The following TRIM24 variants were observed in gnomAD, a reference collection of about 807,000 sequenced individuals.
TRIM24 encodes the protein transcription intermediary factor 1-alpha.
In TRIM24, 29 loss-of-function variants were observed where a neutral mutation model predicts 123.9. The observed-to-expected ratio is 0.23, with a 90% CI of 0.17 to 0.32. The LOEUF is 0.32. Among genes scored for constraint, TRIM24 ranks in the 10% least tolerant of loss-of-function variants. TRIM24 has a pLI of 1.00. For synonymous variants in TRIM24, 456 were observed against 461.1 expected (o/e 0.99, Z 0.14); for missense variants, 932 against 1,295.3 (o/e 0.72, Z 4.31).
Position 138,472,062 on chromosome 7 carries a change from T to C in TRIM24, c.364+11150T>C, listed in dbSNP as rs958475084. The stretch of plus-strand genomic sequence containing the variant: ...ATGGAAAAGCATATAGGTGGAGAGA[T>C]AGATAGTGAAAGCCAGATTGGGGTA... On this transcript the variant is annotated intron_variant, in intron 1 of 18. Coordinates refer to ENST00000343526, the MANE Select transcript of TRIM24 (RefSeq NM_015905.3). 2.6e-5 allele frequency among the ~76,000 whole-genome samples: 4 copies of C among 151,452 alleles called. No homozygotes were observed. In the South Asian group the frequency reaches 8.3e-4, roughly 32 times the overall value.
chr7:138,569,178 A>G (rs1169777295), intron 10 of TRIM24, among the ~76,000 whole-genome samples: 1 of 152,182 alleles, frequency 6.6e-6, no homozygotes, highest in African/African-American at 2.4e-5. Flanking sequence ...AGTTATGTTG[A>G]GAGTTTATTC....
At chr7:138,538,255 AAGGT>A (rs1796934354) in intron 6 of TRIM24, among the ~76,000 whole-genome samples, 1 of 152,216 alleles carries the variant, frequency 6.6e-6, no homozygotes, top group Non-Finnish European at 1.5e-5. Context: ...GAATCCCTAA[AAGGT>A]GAAATCATAT....
intron 7 of TRIM24, among the ~76,000 whole-genome samples, chr7:138,547,022 T>C (rs113555595): frequency 0.049 from 7,451 of 152,204 alleles, 210 homozygotes; most frequent in Middle Eastern, 0.1. Flanking sequence ...AACCAAAAAA[T>C]GGAATCAGTG....
In TRIM24 at chr7:138,585,866, A is replaced by C. The variant is rs759887972; in HGVS notation, c.*915A>C. 1 of 519,078 alleles carries C rather than the reference A, an allele frequency of 1.9e-6. No individual in the cohort carries two copies. Among genetic ancestry groups the C allele is most frequent in the South Asian group, 1.4e-5 (1 of 71,586 alleles). The allele number at this position is 519,078 out of a possible 1,614,324, so 32.2% of individuals were successfully genotyped here. A position where few individuals can be genotyped will look rare whatever the true frequency, so the allele number is the denominator to read the frequency against. On this transcript the variant is annotated 3_prime_UTR_variant, in exon 19 of 19. Transcript: ENST00000343526. Reference sequence around the variant, plus strand: ...GTATTTGATGTGAGGGTTCTTCATCATATACCCTACTGGGCATTAAATATA... The same window carrying C: ...GTATTTGATGTGAGGGTTCTTCATCCTATACCCTACTGGGCATTAAATATA...
chr7:138,569,677 CAT>C (rs1797613784), intron 10 of TRIM24, among the ~76,000 whole-genome samples: 1 of 152,102 alleles, frequency 6.6e-6, no homozygotes, highest in African/African-American at 2.4e-5. Flanking sequence ...TGTCCAACTT[CAT>C]ATGTTTCTGT....
At chr7:138,571,572 A>G (rs1002791297) in intron 11 of TRIM24, among the ~76,000 whole-genome samples, 2 of 152,194 alleles carry the variant, frequency 1.3e-5, no homozygotes, top group African/African-American at 4.8e-5. Context: ...GGGACGTTGA[A>G]TGGCTGGACA....
At chr7:138,466,633 G>A (rs150430061) in intron 1 of TRIM24, among the ~76,000 whole-genome samples, 9 of 152,000 alleles carry the variant, frequency 5.9e-5, no homozygotes, top group Non-Finnish European at 4.4e-5. Flanking sequence ...GATTATGGGC[G>A]TGAGCCACCA....
At position 138,476,316 on chromosome 7, in the gene TRIM24, C is replaced by T. The variant is rs374396484; in HGVS notation, c.364+15404C>T. On this transcript the variant is annotated intron_variant, in intron 1 of 18. Coordinates refer to ENST00000343526, the MANE Select transcript of TRIM24 (RefSeq NM_015905.3). ...AAACTCTTAAAAATTTCTCCCAGGC[C>T]GGGCGTGGTGGCTCACGCCTGTAAT... Among the ~76,000 whole-genome samples, 365 of 152,232 alleles carry T rather than the reference C, an allele frequency of 2.4e-3. 2 individuals carry two copies. Among genetic ancestry groups the T allele is most frequent in the African/African-American group, 8.1e-3 (338 of 41,562 alleles).
At chr7:138,547,154 A>G (rs2116623624) in intron 7 of TRIM24, among the ~76,000 whole-genome samples, 1 of 152,360 alleles carries the variant, frequency 6.6e-6, no homozygotes, top group South Asian at 2.1e-4. Flanking sequence ...CCTGGAGGAC[A>G]TTATATTTAC....
At chr7:138,462,773 A>G (rs2116435859) in intron 1 of TRIM24, among the ~76,000 whole-genome samples, 1 of 152,322 alleles carries the variant, frequency 6.6e-6, no homozygotes, top group African/African-American at 2.4e-5. Flanking sequence ...TGCAGGTTGG[A>G]CACTCTCAGA....
chr7:138,512,160 CTTGG>C (rs1796302775), intron 2 of TRIM24, among the ~76,000 whole-genome samples: 1 of 152,144 alleles, frequency 6.6e-6, no homozygotes, highest in African/African-American at 2.4e-5. Flanking sequence ...CTCCCAAAGC[CTTGG>C]GCAGCTGTAC....
In TRIM24 at chr7:138,586,456, T is replaced by A. The variant is rs1798020820; in HGVS notation, c.*1505T>A. On this transcript the variant is annotated 3_prime_UTR_variant, in exon 19 of 19. Transcript: ENST00000343526. The stretch of plus-strand genomic sequence containing the variant: ...ATATCCTGTGGCTAATTCATTGGGT[T>A]TTCAGGTACTGCTAAAGATAAAATA... The A allele has an allele frequency of 6.5e-6, 1 of 153,022 alleles. No homozygotes were observed. The highest frequency in any genetic ancestry group is 1.5e-5 in the Non-Finnish European group (1 of 68,646). 9.5% of individuals were successfully genotyped at this position (153,022 alleles called of 1,614,324 possible).
In TRIM24 at chr7:138,504,446, TC is replaced by T. The variant is rs374434762; in HGVS notation, c.483+39del. ...CATCTTGAACCTTTTGCCTGCCAGC[TC>T]TTTTTTTTTTTTTTTTTTTTTTTTT... On this transcript the variant is annotated intron_variant, in intron 2 of 18. Coordinates refer to ENST00000343526, the MANE Select transcript of TRIM24 (RefSeq NM_015905.3). The T allele has an allele frequency of 4.3e-3, 1,096 of 254,494 alleles. 32 individuals are homozygous for T. Among genetic ancestry groups the T allele is most frequent in the East Asian group, 0.02 (105 of 5,262 alleles). 15.8% of individuals were successfully genotyped at this position (254,494 alleles called of 1,614,324 possible).
intron 1 of TRIM24, among the ~76,000 whole-genome samples, chr7:138,489,942 GT>G (rs1167585096): frequency 6.6e-6 from 1 of 152,202 alleles, no homozygotes; most frequent in African/African-American, 2.4e-5. Context: ...ATCCCGAAGA[GT>G]GTTTTCCAGC....
intron 2 of TRIM24, among the ~76,000 whole-genome samples, chr7:138,508,104 T>C (rs1796189081): frequency 6.6e-6 from 1 of 152,204 alleles, no homozygotes; most frequent in Non-Finnish European, 1.5e-5. Flanking sequence ...CAAACCTAAT[T>C]AATCTCAAGT....
rs368052316 is a variant in TRIM24 at position 138,534,962 on chromosome 7, T to C, written c.997-3695T>C. ...TCTTGTTGAATTGATCCCTTTACCA[T>C]TATGTAATGGCCTTCTTTGTCTCTT... On this transcript the variant is annotated intron_variant, in intron 6 of 18. Coordinates refer to ENST00000343526, the MANE Select transcript of TRIM24 (RefSeq NM_015905.3). Among the ~76,000 whole-genome samples the C allele has an allele frequency of 5.4e-4, 83 of 152,350 alleles. No individual in the cohort carries two copies. In the South Asian group the frequency reaches 0.014, roughly 26 times the overall value.
Position 138,554,122 on chromosome 7 carries a change from A to C in TRIM24, c.1262-576A>C, listed in dbSNP as rs1246165278. 6.6e-6 allele frequency among the ~76,000 whole-genome samples: 1 copy of C among 152,216 alleles called. No individual in the cohort carries two copies. The highest frequency in any genetic ancestry group is 1.9e-4 in the East Asian group (1 of 5,200). On this transcript the variant is annotated intron_variant, in intron 8 of 18. Coordinates refer to ENST00000343526, the MANE Select transcript of TRIM24 (RefSeq NM_015905.3). The surrounding 1 kb of genome is among the most constrained non-coding windows in gnomAD (Gnocchi z 4.5). Reference sequence around the variant, plus strand: ...GGGGTTCAGATATTCTTCATTGATAAAGAATGATAATCTCCGGGTTGGCCA... The same window carrying C: ...GGGGTTCAGATATTCTTCATTGATACAGAATGATAATCTCCGGGTTGGCCA...
At chr7:138,535,418 C>CA (rs1253278764) in intron 6 of TRIM24, among the ~76,000 whole-genome samples, 1 of 152,148 alleles carries the variant, frequency 6.6e-6, no homozygotes, top group Non-Finnish European at 1.5e-5. Flanking sequence ...CTGGTGGTGA[C>CA]AAAATCTCTC....
chr7:138,470,123 ATTTTTTTTTTTTT>A (rs10542175), intron 1 of TRIM24, among the ~76,000 whole-genome samples: 16 of 81,400 alleles, frequency 2.0e-4, no homozygotes, highest in Non-Finnish European at 2.6e-4. Context: ...TACAAGTATA[ATTTTTTTTTTTTT>A]TTTTTTTTTT....
Sources: allele counts gnomAD v4.1 joint callset (sites outside exome capture counted in the v4.1 genomes callset), GRCh38; gene constraint gnomAD v4.1.1; non-coding constraint Gnocchi (gnomAD v3.1); transcripts MANE v1.5; gene names NCBI Gene and HGNC (gene_info 2026-07-23, HGNC 2026-07-21).